The following C2CD3 variants were observed in gnomAD, a reference collection of about 807,000 sequenced individuals.
C2CD3 encodes C2 domain-containing protein 3.
Under a neutral mutation model 234.0 loss-of-function variants are expected in C2CD3, and 148 were observed. The observed-to-expected ratio is 0.63, with a 90% CI of 0.55 to 0.72. The LOEUF is 0.72. C2CD3 is among the 30% of genes least tolerant of loss of function. The probability of loss-of-function intolerance (pLI) is 0.00; values close to 1 mark genes in which losing one functional copy is unlikely to be tolerated. For synonymous variants in C2CD3, 1,000 were observed against 1,035.4 expected (o/e 0.97, Z 0.66); for missense variants, 2,577 against 2,811.5 (o/e 0.92, Z 1.89).
intron 3 of C2CD3, among the ~76,000 whole-genome samples, chr11:74,146,539 T>C (rs61901248): frequency 0.18 from 27,423 of 152,068 alleles, 2,673 homozygotes; most frequent in East Asian, 0.3. Context: ...GAAAAAAGTT[T>C]TGAAAACTTT....
intron 32 of C2CD3, among the ~76,000 whole-genome samples, chr11:74,022,115 T>A (rs115455736): frequency 0.025 from 3,794 of 151,350 alleles, 192 homozygotes; most frequent in African/African-American, 0.087. Context: ...AAGAGTGAGA[T>A]TCCGTCTCGG....
At chr11:74,090,508 C>T (rs898419154) in intron 20 of C2CD3, among the ~76,000 whole-genome samples, 1 of 152,080 alleles carries the variant, frequency 6.6e-6, no homozygotes, top group Non-Finnish European at 1.5e-5. Flanking sequence ...TGAGATTACA[C>T]AGGAGTTGCA....
At position 74,033,645 on chromosome 11, in the gene C2CD3, G is replaced by C; in HGVS notation, c.6515C>G (p.Pro2172Arg). ...RVGGESASANPQPIPCPTLSG... is the reference protein window; with the variant it reads ...RVGGESASANRQPIPCPTLSG... ...GAGTGTTGGGCATGGGATGGGCTGA[G>C]GGTTGGCTGAGGCAGACTCGCCACC... Residue 2172 changes from proline to arginine, a missense_variant, in exon 31 of 33, where the codon CCT becomes CGT. Physicochemically the swap from Pro to Arg is moderately radical, Grantham distance 103. Transcript: ENST00000334126. 1 of 1,536,170 alleles carries C rather than the reference G, an allele frequency of 6.5e-7. No individual in the cohort carries two copies. Among genetic ancestry groups the C allele is most frequent in the Non-Finnish European group, 8.7e-7 (1 of 1,146,926 alleles).
chr11:74,066,346 T>C (rs964718494), intron 24 of C2CD3, among the ~76,000 whole-genome samples: 1 of 148,558 alleles, frequency 6.7e-6, no homozygotes, highest in Non-Finnish European at 1.5e-5. Flanking sequence ...ATGGCACATG[T>C]ATACATATGT....
At chr11:74,076,048 T>C (rs1187495404) in intron 23 of C2CD3, among the ~76,000 whole-genome samples, 1 of 152,244 alleles carries the variant, frequency 6.6e-6, no homozygotes, top group Non-Finnish European at 1.5e-5. Context: ...CTATATTCAG[T>C]GTCCTAAACC....
intron 9 of C2CD3, among the ~76,000 whole-genome samples, chr11:74,116,504 G>A (rs1204238946): frequency 6.6e-6 from 1 of 151,716 alleles, no homozygotes; most frequent in East Asian, 1.9e-4. Flanking sequence ...TGGTGAAAAG[G>A]GAACACTATT....
At chr11:74,166,082 G>A (rs180688677) in intron 2 of C2CD3, among the ~76,000 whole-genome samples, 130 of 152,144 alleles carry the variant, frequency 8.5e-4, no homozygotes, top group Middle Eastern at 3.4e-3. Flanking sequence ...AGGCTGAGGC[G>A]AGCAGATCGT....
chr11:74,101,438 GAGGA>G (rs1489565545), intron 14 of C2CD3, among the ~76,000 whole-genome samples: 2 of 152,158 alleles, frequency 1.3e-5, no homozygotes, highest in African/African-American at 4.8e-5. Context: ...GGGATGATGA[GAGGA>G]AGACACCAGA....
intron 22 of C2CD3, among the ~76,000 whole-genome samples, chr11:74,081,622 AT>A (rs1565269325): frequency 3.4e-4 from 51 of 152,182 alleles, no homozygotes; most frequent in East Asian, 3.3e-3. Flanking sequence ...CATCATCATC[AT>A]CACCATCATC....
rs182620643 is a variant in C2CD3, at chr11:74,170,867, C to G, written c.-75G>C. ...AGCAGTATCCTCCCGCCATCCCTCC[C>G]CACGGCGCCTGCGTTCCCCGGCAAC... On this transcript the variant is annotated 5_prime_UTR_variant, in exon 1 of 33. Transcript: ENST00000334126. 9 of 1,602,944 alleles carry G rather than the reference C, an allele frequency of 5.6e-6. No homozygotes were observed. In the South Asian group the frequency reaches 1.0e-4, roughly 18 times the overall value.
chr11:74,058,995 G>A (rs919477020), intron 24 of C2CD3, among the ~76,000 whole-genome samples: 3 of 152,044 alleles, frequency 2.0e-5, no homozygotes. Context: ...CTGAATAATA[G>A]ACACTTTACA....
At chr11:74,057,758 C>T (rs760885324) in intron 24 of C2CD3, among the ~76,000 whole-genome samples, 19 of 151,828 alleles carry the variant, frequency 1.3e-4, no homozygotes, top group East Asian at 3.9e-4. Context: ...ACAACTTGAG[C>T]GCAGAAATTC....
intron 11 of C2CD3, among the ~76,000 whole-genome samples, chr11:74,109,919 C>CAA (rs200487558): frequency 7.6e-5 from 11 of 145,606 alleles, no homozygotes; most frequent in African/African-American, 2.9e-4. Context: ...AAAAATACAA[C>CAA]AACAAAAAAA....
At chr11:74,090,302 G>T (rs1005834818) in intron 20 of C2CD3, among the ~76,000 whole-genome samples, 1 of 152,176 alleles carries the variant, frequency 6.6e-6, no homozygotes, top group Non-Finnish European at 1.5e-5. Context: ...GCTGAGGCGG[G>T]TGGATCACTT....
At chr11:74,144,199 T>C (rs1162617195) in intron 3 of C2CD3, among the ~76,000 whole-genome samples, 1 of 152,152 alleles carries the variant, frequency 6.6e-6, no homozygotes, top group Non-Finnish European at 1.5e-5. Flanking sequence ...ATTATACAAA[T>C]TGGGTCCTTC....
At chr11:74,145,767 T>C (rs1181677042) in intron 3 of C2CD3, among the ~76,000 whole-genome samples, 3 of 152,206 alleles carry the variant, frequency 2.0e-5, no homozygotes, top group African/African-American at 7.2e-5. Context: ...CGCATATAGC[T>C]AGCCAGTTAT....
chr11:74,102,596 G>A (rs919421638), intron 14 of C2CD3, among the ~76,000 whole-genome samples: 2 of 152,168 alleles, frequency 1.3e-5, no homozygotes, highest in African/African-American at 2.4e-5. Flanking sequence ...AAGTACTGGG[G>A]TTACCACCCT....
intron 20 of C2CD3, among the ~76,000 whole-genome samples, chr11:74,090,471 A>T (rs1955845630): frequency 6.6e-6 from 1 of 152,214 alleles, no homozygotes; most frequent in South Asian, 2.1e-4. Flanking sequence ...AATAGGAGGT[A>T]GTACTCAGAG....
At chr11:74,113,195 A>G (rs1160477969) in intron 11 of C2CD3, 2 of 153,634 alleles carry the variant, frequency 1.3e-5, no homozygotes, top group Non-Finnish European at 2.9e-5. Context: ...AGTAGTCACA[A>G]AAATCACAAG....
Sources: allele counts gnomAD v4.1 joint callset (sites outside exome capture counted in the v4.1 genomes callset), GRCh38; gene constraint gnomAD v4.1.1; transcripts MANE v1.5; gene names NCBI Gene and HGNC (gene_info 2026-07-23, HGNC 2026-07-21).